The following HTR1F variants were observed in gnomAD, a reference collection of about 807,000 sequenced individuals.
HTR1F encodes the protein 5-hydroxytryptamine receptor 1F, also known as 5-hydroxytryptamine (serotonin) receptor 1F, G protein-coupled.
Under a neutral mutation model 24.0 loss-of-function variants are expected in HTR1F, and 17 were observed. The observed-to-expected ratio is 0.71, with a 90% CI of 0.48 to 1.06. The LOEUF is 1.06. HTR1F is among the 50% of genes least tolerant of loss of function. HTR1F has a pLI of 0.00. For missense variants in HTR1F, 391 were observed against 427.8 expected (o/e 0.91, Z 0.76); for synonymous variants, 186 against 156.8 (o/e 1.19, Z -1.39).
rs542017107 is a variant in HTR1F at position 87,992,635 on chromosome 3, T to G, written c.*785T>G. 3 of 167,118 alleles carry G rather than the reference T, an allele frequency of 1.8e-5. No homozygotes were observed. The highest frequency in any genetic ancestry group is 7.2e-5 in the African/African-American group (3 of 41,560). 10.4% of individuals were successfully genotyped at this position (167,118 alleles called of 1,614,324 possible). On this transcript the variant is annotated 3_prime_UTR_variant, in exon 3 of 3. Transcript: ENST00000319595. ...TGACGTTGTTATAATTGCTCTCTGT[T>G]TACTTAGGAATCAAATTTAAAGCAC...
chr3:87,901,986 A>AATTTT (rs1177531753), intron 2 of HTR1F, among the ~76,000 whole-genome samples: 1 of 152,138 alleles, frequency 6.6e-6, no homozygotes, highest in Non-Finnish European at 1.5e-5. Context: ...CCTCAATATT[A>AATTTT]TAAATATATT....
intron 2 of HTR1F, among the ~76,000 whole-genome samples, chr3:87,930,168 C>A (rs1704226869): frequency 6.6e-6 from 1 of 152,150 alleles, no homozygotes; most frequent in African/African-American, 2.4e-5. Context: ...TGTTGATCAG[C>A]TTAAGAAGCT....
chr3:87,942,440 G>A (rs935366803), intron 2 of HTR1F, among the ~76,000 whole-genome samples: 1 of 152,114 alleles, frequency 6.6e-6, no homozygotes, highest in Non-Finnish European at 1.5e-5. Flanking sequence ...CTCTGTGAGG[G>A]TGACGGCATC....
At position 87,991,128 on chromosome 3, in the gene HTR1F, G is replaced by A. The variant is rs762944001; in HGVS notation, c.379G>A (p.Asp127Asn). The change falls in exon 3 of 3, where the codon GAT (aspartate) becomes AAT (asparagine). Residue 127 changes from aspartate to asparagine, a missense_variant. Physicochemically the swap from Asp to Asn is conservative, Grantham distance 23. Transcript: ENST00000319595. The part of the protein sequence containing the change: ...IALDRYRAIT[D>N]AVEYARKRTP... Reference sequence around the variant, plus strand: ...TTTGGATCGGTATCGAGCAATCACAGATGCTGTTGAGTATGCCAGGAAAAG... The same window carrying A: ...TTTGGATCGGTATCGAGCAATCACAAATGCTGTTGAGTATGCCAGGAAAAG... 3.1e-6 allele frequency: 5 copies of A among 1,614,082 alleles called. No homozygotes were observed. Among genetic ancestry groups the A allele is most frequent in the Non-Finnish European group, 4.2e-6 (5 of 1,180,042 alleles).
At chr3:87,858,742 C>A (rs1292450063) in intron 2 of HTR1F, among the ~76,000 whole-genome samples, 1 of 151,796 alleles carries the variant, frequency 6.6e-6, no homozygotes, top group African/African-American at 2.4e-5. Flanking sequence ...AAGTGTGATA[C>A]CTTTACTAAG....
intron 2 of HTR1F, among the ~76,000 whole-genome samples, chr3:87,864,902 A>AAAAAG (rs370477093): frequency 0.089 from 12,810 of 144,214 alleles, 672 homozygotes; most frequent in East Asian, 0.16. Context: ...AAAAAAAAAA[A>AAAAAG]AAAAGAAAAG....
chr3:87,843,714 T>A (rs1282842758), intron 2 of HTR1F, among the ~76,000 whole-genome samples: 2 of 138,740 alleles, frequency 1.4e-5, no homozygotes, highest in African/African-American at 5.8e-5. Context: ...ATTGTGATGT[T>A]CCCCTTCCTG....
At chr3:87,978,744 T>C (rs1048550800) in intron 2 of HTR1F, among the ~76,000 whole-genome samples, 6 of 150,438 alleles carry the variant, frequency 4.0e-5, no homozygotes, top group Admixed American at 2.6e-4. Context: ...TGAGTGCTGA[T>C]TGGTTTATGG....
intron 1 of HTR1F, among the ~76,000 whole-genome samples, 119 bp downstream of exon 1, chr3:87,792,961 C>A (rs956556416): frequency 3.3e-5 from 5 of 152,234 alleles, no homozygotes; most frequent in African/African-American, 9.6e-5. Flanking sequence ...TTGCTCTCGG[C>A]GGAAACGCTG....
At chr3:87,923,845 A>G (rs776075760) in intron 2 of HTR1F, among the ~76,000 whole-genome samples, 7 of 152,010 alleles carry the variant, frequency 4.6e-5, no homozygotes, top group Non-Finnish European at 7.4e-5. Flanking sequence ...GATATATCCA[A>G]TTTGATCATG....
At chr3:87,794,030 G>A (rs1368053664) in intron 1 of HTR1F, among the ~76,000 whole-genome samples, 1 of 151,114 alleles carries the variant, frequency 6.6e-6, no homozygotes, top group Non-Finnish European at 1.5e-5. Context: ...AACGGGTTTC[G>A]CTCTAGTTCT....
At chr3:87,950,163 C>T (rs1177772734) in intron 2 of HTR1F, among the ~76,000 whole-genome samples, 1 of 152,168 alleles carries the variant, frequency 6.6e-6, no homozygotes, top group East Asian at 1.9e-4. Context: ...TTCACTACTT[C>T]AAGAATGGCA....
intron 2 of HTR1F, among the ~76,000 whole-genome samples, chr3:87,863,591 C>T (rs1243246545): frequency 1.3e-5 from 2 of 151,990 alleles, no homozygotes; most frequent in Non-Finnish European, 2.9e-5. Flanking sequence ...TCCTTATTTC[C>T]TTCTGAGTTT....
At chr3:87,880,096 G>A (rs377469227) in intron 2 of HTR1F, among the ~76,000 whole-genome samples, 4 of 151,934 alleles carry the variant, frequency 2.6e-5, no homozygotes, top group Non-Finnish European at 5.9e-5. Context: ...ACTGTGATTC[G>A]GTATACAAAA....
rs73847738 is a variant in HTR1F at position 87,986,349 on chromosome 3, A to T, written c.-42-4359A>T. 3.0e-3 allele frequency among the ~76,000 whole-genome samples: 456 copies of T among 152,346 alleles called. 2 individuals are homozygous for T. The highest frequency in any genetic ancestry group is 0.011 in the African/African-American group (438 of 41,576). The stretch of plus-strand genomic sequence containing the variant: ...TTTTCTATTTTCTTTGTTGTCTATA[A>T]ATACAACTAGCAGAAGATTAATTAC... On this transcript the variant is annotated intron_variant, in intron 2 of 2. Coordinates refer to ENST00000319595, the MANE Select transcript of HTR1F (RefSeq NM_001322209.2).
intron 2 of HTR1F, among the ~76,000 whole-genome samples, chr3:87,878,408 G>A (rs181012248): frequency 2.6e-3 from 390 of 152,292 alleles, no homozygotes; most frequent in Non-Finnish European, 4.3e-3. Flanking sequence ...AATTGAAACA[G>A]AAATATCGAT....
intron 2 of HTR1F, among the ~76,000 whole-genome samples, chr3:87,945,260 G>C (rs1704670496): frequency 6.6e-6 from 1 of 152,008 alleles, no homozygotes; most frequent in African/African-American, 2.4e-5. Context: ...GGGACACCAG[G>C]GATAAGACTC....
chr3:87,900,611 A>C (rs1706299767), intron 2 of HTR1F, among the ~76,000 whole-genome samples: 1 of 152,202 alleles, frequency 6.6e-6, no homozygotes, highest in Admixed American at 6.5e-5. Context: ...GCAAGAGATT[A>C]ATGGGGAGTA....
intron 2 of HTR1F, among the ~76,000 whole-genome samples, chr3:87,961,674 T>C (rs1576093181): frequency 6.6e-6 from 1 of 152,006 alleles, no homozygotes; most frequent in Admixed American, 6.6e-5. Context: ...ACACAGTATC[T>C]AATATCTCAC....
Sources: allele counts gnomAD v4.1 joint callset (sites outside exome capture counted in the v4.1 genomes callset), GRCh38; gene constraint gnomAD v4.1.1; transcripts MANE v1.5; gene names NCBI Gene and HGNC (gene_info 2026-07-23, HGNC 2026-07-21).